ADAM28: variants seen among roughly 807,000 people sequenced by gnomAD.
ADAM28 encodes the protein ADAM metallopeptidase domain 28, also known as disintegrin and metalloproteinase domain-containing protein 28.
ADAM28 carries 105 observed loss-of-function variants against 101.2 expected under a neutral mutation model. The ratio of observed to expected loss-of-function variants is 1.04; its 90% CI spans 0.89 to 1.22. ADAM28 has a LOEUF of 1.22. ADAM28 is among the 50% of genes most tolerant of loss of function. ADAM28 has a pLI of 0.00. For missense variants in ADAM28, 1,028 were observed against 945.4 expected, an observed-to-expected ratio of 1.09 and a Z score of -1.15; for synonymous variants, 322 against 310.6, an observed-to-expected ratio of 1.04 and a Z score of -0.39.
At chr8:24,318,494 A>G (rs908389221) in intron 6 of ADAM28, among the ~76,000 whole-genome samples, 4 of 151,954 alleles carry the variant, frequency 2.6e-5, no homozygotes, top group African/African-American at 9.7e-5. Context: ...TCAGACGTTT[A>G]TCTCTAGCCT....
chr8:24,311,540 G>T, intron 5 of ADAM28, 103 bp downstream of exon 5: 1 of 841,310 alleles, frequency 1.2e-6, no homozygotes, highest in South Asian at 2.6e-5. Context: ...TTATATAGTT[G>T]AATATAAATC....
rs367959815 is a variant in ADAM28 at position 24,335,621 on chromosome 8, G to A, written c.1547G>A (p.Cys516Tyr). ...ACATGCCCCACACTGCAGGAGCAGT[G>A]CACAGAGCTGTGGGGACCAGGTAGG... ...MGTCPTLQEQ[C>Y]TELWGPGTEV... The change falls in exon 14 of 23, where the codon TGC becomes TAC. Residue 516 changes from cysteine (C) to tyrosine (Y), a missense_variant. Coordinates refer to ENST00000265769, the MANE Select transcript of ADAM28 (RefSeq NM_014265.6). 6 of 1,610,992 alleles carry A rather than the reference G, an allele frequency of 3.7e-6. No homozygotes were observed. The highest frequency in any genetic ancestry group is 1.7e-5 in the Admixed American group (1 of 59,592).
intron 2 of ADAM28, among the ~76,000 whole-genome samples, chr8:24,300,319 C>G (rs1161182452): frequency 6.6e-6 from 1 of 152,202 alleles, no homozygotes; most frequent in Non-Finnish European, 1.5e-5. Flanking sequence ...AAAATCTTCA[C>G]TATAACCCAA....
chr8:24,322,171 A>G (rs774403730), intron 8 of ADAM28, among the ~76,000 whole-genome samples: 1 of 152,030 alleles, frequency 6.6e-6, no homozygotes, highest in African/African-American at 2.4e-5. Context: ...CTAAACATTG[A>G]TAATGCAGGA....
intron 10 of ADAM28, among the ~76,000 whole-genome samples, chr8:24,327,235 T>A (rs1245969741): frequency 6.6e-6 from 1 of 152,040 alleles, no homozygotes; most frequent in East Asian, 1.9e-4. Flanking sequence ...TCACAAGCAT[T>A]CGTATACACC....
intron 18 of ADAM28, among the ~76,000 whole-genome samples, chr8:24,347,815 G>A (rs1815585683): frequency 6.6e-6 from 1 of 152,054 alleles, no homozygotes; most frequent in African/African-American, 2.4e-5. Context: ...ACTTCCTGGA[G>A]ACCATATAGC....
At chr8:24,353,721 C>A (rs1162231179) in intron 21 of ADAM28, 49 bp from the exon 22 acceptor site, 2 of 1,142,342 alleles carry the variant, frequency 1.8e-6, no homozygotes, top group Non-Finnish European at 2.6e-6. Context: ...TAAGATGGGA[C>A]AAGCATAGCA....
chr8:24,310,025 G>C, intron 3 of ADAM28, 55 bp downstream of exon 3: 9 of 1,470,786 alleles, frequency 6.1e-6, no homozygotes, highest in South Asian at 1.2e-5. Flanking sequence ...AGCCTATGGA[G>C]AGTGTGCTGA....
chr8:24,300,122 T>C (rs1228277568), intron 2 of ADAM28, 45 bp downstream of exon 2: 4 of 1,402,500 alleles, frequency 2.9e-6, no homozygotes, highest in African/African-American at 1.4e-5. Context: ...GAGATACATA[T>C]ATACACACAT....
intron 2 of ADAM28, 25 bp from the exon 3 acceptor site, chr8:24,309,869 A>G: frequency 1.4e-6 from 2 of 1,441,098 alleles, no homozygotes; most frequent in Non-Finnish European, 9.7e-7. Context: ...TTTAATTACA[A>G]GTAAATGTTT....
Position 24,358,234 on chromosome 8 carries a change from C to A in ADAM28, c.*3830C>A, listed in dbSNP as rs1463979219. On this transcript the variant is annotated 3_prime_UTR_variant, in exon 23 of 23. Transcript: ENST00000265769. ...TATGTTCCCCATCATTCAAAGACAC[C>A]ATTATTTCCTAAGTGTTATATTGCT... 1 of 152,178 alleles carries A rather than the reference C, an allele frequency of 6.6e-6. No homozygotes were observed. Among genetic ancestry groups the A allele is most frequent in the Non-Finnish European group, 1.5e-5 (1 of 68,040 alleles). The allele number at this position is 152,178 out of a possible 1,614,324, so 9.4% of individuals were successfully genotyped here.
chr8:24,320,530 C>T (rs1186682389), intron 7 of ADAM28, among the ~76,000 whole-genome samples: 1 of 151,926 alleles, frequency 6.6e-6, no homozygotes, highest in Non-Finnish European at 1.5e-5. Flanking sequence ...AAATTGTTGG[C>T]ACTTATAACA....
chr8:24,314,757 T>TAAGAAATATATAATATAAA (rs1219383569), intron 6 of ADAM28, among the ~76,000 whole-genome samples: 1 of 151,606 alleles, frequency 6.6e-6, no homozygotes, highest in Non-Finnish European at 1.5e-5. Flanking sequence ...AATAATTTGT[T>TAAGAAATATATAATATAAA]AAGAAATATA....
At chr8:24,294,686 A>G (rs1462697908) in intron 1 of ADAM28, among the ~76,000 whole-genome samples, 2 of 152,210 alleles carry the variant, frequency 1.3e-5, no homozygotes, top group Non-Finnish European at 2.9e-5. Flanking sequence ...AATACGTGTG[A>G]CTAACTGGAA....
chr8:24,320,354 A>G (rs1239218911), intron 7 of ADAM28, 47 bp downstream of exon 7: 1 of 1,230,108 alleles, frequency 8.1e-7, no homozygotes, highest in Non-Finnish European at 1.2e-6. Flanking sequence ...TCCCACCCAC[A>G]TATATTTATT....
chr8:24,319,240 T>C lies in ADAM28; in HGVS notation c.577-996T>C, dbSNP rs563708286. ...CTGGCTTCTCATTTTCGTTAATACA[T>C]CTGCTTGAGGGCCAGCTCTTTAGAG... is the stretch of plus-strand genomic sequence containing the variant. On this transcript the variant is annotated intron_variant, in intron 6 of 22. Transcript: ENST00000265769. Among the ~76,000 whole-genome samples the C allele has an allele frequency of 9.2e-5, 14 of 152,118 alleles. No homozygotes were observed. The South Asian group carries it at 2.7e-3, about 29-fold the overall frequency.
chr8:24,340,769 C>T (rs922061948), intron 15 of ADAM28: 5 of 152,196 alleles, frequency 3.3e-5, no homozygotes, highest in African/African-American at 9.6e-5. Context: ...CCTTTCTCCA[C>T]TCCTCAAACA....
rs975099040 is a variant in ADAM28 at position 24,339,551 on chromosome 8, C to T, written c.1653C>T (p.Leu551=). Residue 551 remains leucine, a synonymous_variant, in exon 15 of 23, where the codon CTC becomes CTT. Transcript: ENST00000265769. ...ACTGTCGCAGAGTGGATGACACACTCATTCCCTGCAAAGCAAAGTAAGTGG... is the reference window on the plus strand; with the variant it reads ...ACTGTCGCAGAGTGGATGACACACTTATTCCCTGCAAAGCAAAGTAAGTGG... ...YGYCRRVDDT[L]IPCKANDTMC... is the part of the protein sequence containing the mutation. The T allele has an allele frequency of 6.2e-6, 10 of 1,611,976 alleles. No homozygotes were observed. The East Asian group carries it at 2.2e-4, about 36-fold the overall frequency.
intron 18 of ADAM28, among the ~76,000 whole-genome samples, chr8:24,345,907 C>G (rs1815347549): frequency 6.6e-6 from 1 of 152,060 alleles, no homozygotes; most frequent in African/African-American, 2.4e-5. Flanking sequence ...TCAACTTATT[C>G]TGTTTGTTGA....
Sources: gnomAD v4.1 joint callset for allele counts (sites outside exome capture counted in the v4.1 genomes callset) on GRCh38, gnomAD v4.1.1 for gene constraint, MANE v1.5 for transcripts, NCBI Gene and HGNC (gene_info 2026-07-23, HGNC 2026-07-21) for gene names.